NAA20: variants seen among roughly 807,000 people sequenced by gnomAD.
NAA20 encodes N-alpha-acetyltransferase 20, NatB catalytic subunit.
Under a neutral mutation model 23.8 loss-of-function variants are expected in NAA20, and 24 were observed. That is an observed-to-expected ratio of 1.01 (90% CI 0.73 to 1.42). The LOEUF is 1.42. NAA20 is among the 40% of genes most tolerant of loss of function. The probability of loss-of-function intolerance (pLI) is 0.00; values close to 1 mark genes in which losing one functional copy is unlikely to be tolerated. For missense variants in NAA20, 166 were observed against 223.1 expected (o/e 0.74, Z 1.63); for synonymous variants, 83 against 77.7 (o/e 1.07, Z -0.36).
At chr20:20,018,207 A>T (rs1437061335) in intron 1 of NAA20, 40 of 634,296 alleles carry the variant, frequency 6.3e-5, no homozygotes, top group South Asian at 9.4e-5. Context: ...GCAGGTACCA[A>T]TTTTTTTTTT....
intron 2 of NAA20, 133 bp downstream of exon 2, chr20:20,022,613 T>C: frequency 1.5e-6 from 1 of 677,920 alleles, no homozygotes. Context: ...TAAGCAACAC[T>C]GAAAGCAATT....
chr20:20,019,401 G>A (rs1010281216), intron 1 of NAA20, among the ~76,000 whole-genome samples: 5 of 152,156 alleles, frequency 3.3e-5, no homozygotes, highest in Non-Finnish European at 5.9e-5. Context: ...GTGCCTTGAA[G>A]CTTCAAGAAA....
chr20:20,025,345 GCAAA>G lies in NAA20; in HGVS notation c.79-324_79-321del, dbSNP rs539909706. On this transcript the variant is annotated intron_variant, in intron 2 of 5. Transcript: ENST00000334982. Reference sequence around the variant, plus strand: ...TTCATAGACTAAGAGGAGGCAGACCGCAAACAAACAATATCAGGTGATAAATGGA... The same window carrying G: ...TTCATAGACTAAGAGGAGGCAGACCGCAAACAATATCAGGTGATAAATGGA... Among the ~76,000 whole-genome samples the G allele has an allele frequency of 5.2e-3, 793 of 152,272 alleles. 4 individuals carry two copies. The highest frequency in any genetic ancestry group is 0.017 in the African/African-American group (722 of 41,546).
intron 2 of NAA20, 76 bp downstream of exon 2, chr20:20,022,556 CAG>C (rs1601125283): frequency 8.5e-6 from 11 of 1,294,518 alleles, no homozygotes; most frequent in South Asian, 2.9e-5. Flanking sequence ...GAAAGGAAAA[CAG>C]AGGAGTACTG....
chr20:20,019,324 C>G (rs1056213393), intron 1 of NAA20, among the ~76,000 whole-genome samples: 1 of 152,158 alleles, frequency 6.6e-6, no homozygotes, highest in Non-Finnish European at 1.5e-5. Context: ...GAGGCCTTGG[C>G]AGTGGCCCAG....
intron 2 of NAA20, among the ~76,000 whole-genome samples, chr20:20,023,025 C>T (rs1165267886): frequency 6.6e-6 from 1 of 152,074 alleles, no homozygotes; most frequent in Non-Finnish European, 1.5e-5. Flanking sequence ...TACCTTTGGG[C>T]CTGTACTCCC....
At chr20:20,019,294 T>C (rs1220155135) in intron 1 of NAA20, among the ~76,000 whole-genome samples, 1 of 152,124 alleles carries the variant, frequency 6.6e-6, no homozygotes, top group Non-Finnish European at 1.5e-5. Context: ...GCAGGTAAAC[T>C]GGGCAGGTAA....
intron 4 of NAA20, among the ~76,000 whole-genome samples, chr20:20,031,828 A>G (rs2043345646): frequency 1.3e-5 from 2 of 152,254 alleles, no homozygotes; most frequent in Admixed American, 1.3e-4. Flanking sequence ...AGATATAGTT[A>G]CACTGTAAGA....
intron 1 of NAA20, among the ~76,000 whole-genome samples, chr20:20,021,450 ATGCCAT>A (rs1353286747): frequency 6.6e-6 from 1 of 152,212 alleles, no homozygotes; most frequent in Non-Finnish European, 1.5e-5. Context: ...TGTTAAAACA[ATGCCAT>A]TGTTGTCACT....
chr20:20,022,573 G>A, intron 2 of NAA20, 93 bp downstream of exon 2: 1 of 1,160,270 alleles, frequency 8.6e-7, no homozygotes, highest in Non-Finnish European at 1.2e-6. Flanking sequence ...GTACTGAAAA[G>A]TTTAAAAACT....
intron 4 of NAA20, among the ~76,000 whole-genome samples, chr20:20,031,062 T>TG (rs1218733449): frequency 6.6e-6 from 1 of 152,202 alleles, no homozygotes; most frequent in African/African-American, 2.4e-5. Context: ...GCAGTTCCAA[T>TG]GTAATTGCAG....
At chr20:20,024,877 A>C (rs1250285808) in intron 2 of NAA20, among the ~76,000 whole-genome samples, 1 of 152,348 alleles carries the variant, frequency 6.6e-6, no homozygotes, top group African/African-American at 2.4e-5. Flanking sequence ...GGAACTTAAA[A>C]AATATATTTA....
At chr20:20,026,522 T>TC (rs1240207333) in intron 3 of NAA20, among the ~76,000 whole-genome samples, 1 of 151,958 alleles carries the variant, frequency 6.6e-6, no homozygotes, top group Non-Finnish European at 1.5e-5. Context: ...TTTTTTTTTT[T>TC]TCAAAATTAG....
intron 4 of NAA20, among the ~76,000 whole-genome samples, chr20:20,031,979 A>G (rs920277761): frequency 6.6e-6 from 1 of 152,244 alleles, no homozygotes; most frequent in African/African-American, 2.4e-5. Flanking sequence ...GCCCTGTGAC[A>G]CAACAGTGAG....
At chr20:20,023,220 G>A (rs931997775) in intron 2 of NAA20, among the ~76,000 whole-genome samples, 3 of 151,578 alleles carry the variant, frequency 2.0e-5, no homozygotes, top group Non-Finnish European at 4.4e-5. Flanking sequence ...CAGGACCCGG[G>A]AGGCAGAGGT....
At chr20:20,017,507 G>T (rs1314087393) in intron 1 of NAA20, 58 bp downstream of exon 1, 1 of 1,557,020 alleles carries the variant, frequency 6.4e-7, no homozygotes, top group Non-Finnish European at 8.7e-7. Flanking sequence ...TCCCGGCCCC[G>T]CCAGCTCCGG....
In NAA20 at chr20:20,026,968, C is replaced by T. The variant is rs2043310986; in HGVS notation, c.305+49C>T. 3.7e-6 allele frequency: 6 copies of T among 1,609,978 alleles called. No homozygotes were observed. In the African/African-American group the frequency reaches 6.7e-5, roughly 18 times the overall value. On this transcript the variant is annotated intron_variant, in intron 4 of 5. Coordinates refer to ENST00000334982, the MANE Select transcript of NAA20 (RefSeq NM_016100.5). ...ACTTAGTGATTTGTGGACCCCTAAC[C>T]ATTTTCTTCCCCTTCAGGCTGAATA...
chr20:20,024,864 C>G (rs1417745531), intron 2 of NAA20, among the ~76,000 whole-genome samples: 1 of 152,102 alleles, frequency 6.6e-6, no homozygotes. Context: ...AACAGGTTTT[C>G]CAGGAACTTA....
Position 20,022,373 on chromosome 20 carries a change from T to C in NAA20, c.54-83T>C, listed in dbSNP as rs2043274707. ...AACATGTTTTGTTTTCCTTGTGGCA[T>C]ATTACTGTTAGCTTTAGCAGGCTTA... On this transcript the variant is annotated intron_variant, in intron 1 of 5. Transcript: ENST00000334982. The C allele has an allele frequency of 2.2e-6, 3 of 1,357,278 alleles. No individual in the cohort carries two copies. The African/African-American group carries it at 4.5e-5, about 20-fold the overall frequency. 84.1% of individuals were successfully genotyped at this position (1,357,278 alleles called of 1,614,324 possible). A position where few individuals can be genotyped will look rare whatever the true frequency, so the allele number is the denominator to read the frequency against.
Sources: allele counts gnomAD v4.1 joint callset (sites outside exome capture counted in the v4.1 genomes callset), GRCh38; gene constraint gnomAD v4.1.1; transcripts MANE v1.5; gene names NCBI Gene and HGNC (gene_info 2026-07-23, HGNC 2026-07-21).